ZNF362: variants seen among roughly 807,000 people sequenced by gnomAD.
ZNF362 encodes the protein zinc finger protein 362.
ZNF362 carries 11 observed loss-of-function variants against 42.9 expected under a neutral mutation model. The ratio of observed to expected loss-of-function variants is 0.26; its 90% CI spans 0.16 to 0.42. The LOEUF is 0.42. Among genes scored for constraint, ZNF362 ranks in the 20% least tolerant of loss-of-function variants. The probability of loss-of-function intolerance (pLI) is 1.00; values close to 1 mark genes in which losing one functional copy is unlikely to be tolerated. For missense variants in ZNF362, 362 were observed against 576.2 expected (o/e 0.63, Z 3.81); for synonymous variants, 255 against 257.3 (o/e 0.99, Z 0.09).
the ZNF362 span, among the ~76,000 whole-genome samples, chr1:33,127,848 C>T: frequency 6.6e-6 from 1 of 152,022 alleles, no homozygotes; most frequent in Non-Finnish European, 1.5e-5. Flanking sequence ...CTTGCCAGGC[C>T]CTGCTCTCGC....
chr1:33,165,640 G>A, the ZNF362 span: 1 of 1,331,450 alleles, frequency 7.5e-7, no homozygotes, highest in Non-Finnish European at 1.0e-6. The surrounding 1 kb of genome is among the most constrained non-coding windows in gnomAD (Gnocchi z 4.0). Flanking sequence ...ACCACTGCCA[G>A]GCGCTGGGGG....
Position 33,280,579 on chromosome 1 carries a change from G to A in ZNF362, c.683+122G>A. 1 of 1,439,766 alleles carries A rather than the reference G, an allele frequency of 6.9e-7. No individual in the cohort carries two copies. The highest frequency in any genetic ancestry group is 1.4e-5 in the African/African-American group (1 of 69,672). 89.2% of individuals were successfully genotyped at this position (1,439,766 alleles called of 1,614,324 possible). A position where few individuals can be genotyped will look rare whatever the true frequency, so the allele number is the denominator to read the frequency against. On this transcript the variant is annotated intron_variant, in intron 5 of 8. Coordinates refer to ENST00000539719, the MANE Select transcript of ZNF362 (RefSeq NM_152493.3). This position sits in a 1 kb window ranked among gnomAD's most constrained non-coding sequence, Gnocchi z 5.6. ...CTTAGGGCTGAGGGGCAGGGCTAGGGTCCAGAGGGGCGGGGCCTTCTGGAG... is the reference window on the plus strand; with the variant it reads ...CTTAGGGCTGAGGGGCAGGGCTAGGATCCAGAGGGGCGGGGCCTTCTGGAG...
the ZNF362 span, among the ~76,000 whole-genome samples, chr1:33,209,356 A>T: frequency 6.6e-6 from 1 of 152,182 alleles, no homozygotes; most frequent in Non-Finnish European, 1.5e-5. Flanking sequence ...ATTGATGTTC[A>T]TCAGGGATAT....
the ZNF362 span, among the ~76,000 whole-genome samples, chr1:33,240,992 A>G: frequency 6.6e-6 from 1 of 152,118 alleles, no homozygotes; most frequent in African/African-American, 2.4e-5. Flanking sequence ...TGCAGTAGAG[A>G]CGGTGCTTGA....
At chr1:33,227,261 T>C in the ZNF362 span, among the ~76,000 whole-genome samples, 1 of 152,146 alleles carries the variant, frequency 6.6e-6, no homozygotes, top group African/African-American at 2.4e-5. Context: ...TATTAAGAAG[T>C]GGGGTCGATG....
At chr1:33,234,042 T>A in the ZNF362 span, among the ~76,000 whole-genome samples, 1 of 152,224 alleles carries the variant, frequency 6.6e-6, no homozygotes, top group Non-Finnish European at 1.5e-5. Context: ...ATTTTTATGA[T>A]TATTCCTGTA....
At chr1:33,226,147 T>G in the ZNF362 span, among the ~76,000 whole-genome samples, 14 of 152,200 alleles carry the variant, frequency 9.2e-5, no homozygotes, top group Admixed American at 9.2e-4. Flanking sequence ...TGGCAACATG[T>G]AGATCTCTTA....
the ZNF362 span, among the ~76,000 whole-genome samples, chr1:33,219,048 CCCTT>C: frequency 6.6e-6 from 1 of 151,982 alleles, no homozygotes; most frequent in African/African-American, 2.4e-5. Context: ...GATTCACTGA[CCCTT>C]AAGGGCCCCA....
chr1:33,205,763 A>C, the ZNF362 span, among the ~76,000 whole-genome samples: 4 of 152,080 alleles, frequency 2.6e-5, no homozygotes, highest in African/African-American at 9.7e-5. Flanking sequence ...AAAATACAAA[A>C]AAATTAGCCA....
chr1:33,148,790 G>T, the ZNF362 span, among the ~76,000 whole-genome samples: 2 of 152,296 alleles, frequency 1.3e-5, no homozygotes, highest in African/African-American at 4.8e-5. Context: ...TAGACAATGG[G>T]TCTGAAAAGA....
the ZNF362 span, among the ~76,000 whole-genome samples, chr1:33,230,369 C>T: frequency 6.6e-6 from 1 of 152,064 alleles, no homozygotes. Flanking sequence ...ATCCTCATAC[C>T]CACCCTATGA....
At chr1:33,131,824 A>T in the ZNF362 span, among the ~76,000 whole-genome samples, 1 of 152,178 alleles carries the variant, frequency 6.6e-6, no homozygotes, top group East Asian at 1.9e-4. Context: ...CTAAATCTGT[A>T]TTCCCTACCA....
intron 6 of ZNF362, among the ~76,000 whole-genome samples, chr1:33,293,657 A>G (rs1442157867): frequency 1.3e-5 from 2 of 152,242 alleles, no homozygotes; most frequent in African/African-American, 2.4e-5. Context: ...AACAAGGTGC[A>G]GGCCCAGCTG....
intron 4 of ZNF362, 138 bp downstream of exon 4, chr1:33,276,732 T>G: frequency 8.8e-7 from 1 of 1,132,696 alleles, no homozygotes; most frequent in Non-Finnish European, 1.1e-6. Context: ...GCATAAAGCT[T>G]GGAGTGGCGG....
At chr1:33,206,923 T>C in the ZNF362 span, among the ~76,000 whole-genome samples, 1 of 152,204 alleles carries the variant, frequency 6.6e-6, no homozygotes. Context: ...TACCATCTGT[T>C]GGGGAGGATA....
the ZNF362 span, among the ~76,000 whole-genome samples, chr1:33,238,906 C>G: frequency 6.6e-6 from 1 of 152,162 alleles, no homozygotes; most frequent in African/African-American, 2.4e-5. Flanking sequence ...ATGCAGGTGC[C>G]TCGATCCTGG....
chr1:33,194,666 T>TAA, the ZNF362 span: 31 of 151,990 alleles, frequency 2.0e-4, no homozygotes, highest in Non-Finnish European at 3.2e-4. Context: ...TTCTCATCTA[T>TAA]AAAATGGAGA....
the ZNF362 span, among the ~76,000 whole-genome samples, chr1:33,193,004 C>CACACACACATATATATATATATATAT: frequency 2.9e-5 from 4 of 137,292 alleles, no homozygotes; most frequent in Middle Eastern, 3.8e-3. Flanking sequence ...CACACACACA[C>CACACACACATATATATATATATATAT]ATATATATAT....
chr1:33,226,900 A>G, the ZNF362 span, among the ~76,000 whole-genome samples: 7 of 152,256 alleles, frequency 4.6e-5, no homozygotes, highest in Admixed American at 2.0e-4. Flanking sequence ...GACACCCATT[A>G]TGCTAAGTGA....
Sources: allele counts gnomAD v4.1 joint callset (sites outside exome capture counted in the v4.1 genomes callset), GRCh38; gene constraint gnomAD v4.1.1; non-coding constraint Gnocchi (gnomAD v3.1); transcripts MANE v1.5; gene names NCBI Gene and HGNC (gene_info 2026-07-23, HGNC 2026-07-21).